Variants in ITGB2 observed in about 807,000 individuals in gnomAD.
ITGB2 encodes integrin beta-2.
In ITGB2, 56 loss-of-function variants were observed where a neutral mutation model predicts 86.8. The observed-to-expected ratio is 0.65, with a 90% CI of 0.52 to 0.81. The LOEUF (loss-of-function observed/expected upper bound fraction) is 0.81. Among genes scored for constraint, ITGB2 ranks in the 30% least tolerant of loss-of-function variants. The probability of loss-of-function intolerance (pLI) is 0.00; values close to 1 mark genes in which losing one functional copy is unlikely to be tolerated. For synonymous variants in ITGB2, 457 were observed against 450.4 expected, an observed-to-expected ratio of 1.01 and a Z score of -0.19; for missense variants, 948 against 1,061.2, an observed-to-expected ratio of 0.89 and a Z score of 1.48.
At chr21:44,926,488 AGCACC>A (rs1182282668) in intron 1 of ITGB2, among the ~76,000 whole-genome samples, 3 of 152,238 alleles carry the variant, frequency 2.0e-5, no homozygotes, top group African/African-American at 7.2e-5. Context: ...GAAATGTAGC[AGCACC>A]GGCAACCGGC....
At chr21:44,896,456 G>T (rs2146515216) in intron 8 of ITGB2, among the ~76,000 whole-genome samples, 1 of 152,344 alleles carries the variant, frequency 6.6e-6, no homozygotes, top group East Asian at 1.9e-4. Context: ...ATGGAAGATT[G>T]CGGCATCATT....
chr21:44,907,227 T>C (rs1382184375), intron 3 of ITGB2, 132 bp from the exon 4 acceptor site: 7 of 681,246 alleles, frequency 1.0e-5, no homozygotes, highest in Non-Finnish European at 1.2e-5. Flanking sequence ...CAGAAGTCCC[T>C]GTGGACAGAG....
At chr21:44,891,662 C>G (rs2083786819) in intron 11 of ITGB2, 147 bp downstream of exon 11, 1 of 843,340 alleles carries the variant, frequency 1.2e-6, no homozygotes, top group Non-Finnish European at 1.8e-6. Context: ...CCAAATCTCC[C>G]CACCTCCTGC....
intron 1 of ITGB2, among the ~76,000 whole-genome samples, chr21:44,916,586 G>C (rs1210803714): frequency 1.3e-5 from 2 of 152,170 alleles, no homozygotes; most frequent in Non-Finnish European, 2.9e-5. Flanking sequence ...GCTAAGGGGA[G>C]GCCGGGCATG....
rs761544778 is a variant in ITGB2 at position 44,890,066 on chromosome 21, G to A, written c.1569C>T (p.Asp523=). 103 of 1,613,352 alleles carry A rather than the reference G, an allele frequency of 6.4e-5. No homozygotes were observed. The highest frequency in any genetic ancestry group is 1.6e-4 in the Middle Eastern group (1 of 6,084). ...GCCCGTATATCAGCTTGCCGGGGAC[G>A]TCGCTGGTGTGGCACAGGCACTGCC... is the stretch of plus-strand genomic sequence containing the variant. ...VCGQCLCHTS[D]VPGKLIYGQY... is the part of the protein sequence containing the mutation. The change falls in exon 12 of 16, where the codon GAC becomes GAT. Residue 523 remains aspartate, a synonymous_variant. Coordinates refer to ENST00000652462, the MANE Select transcript of ITGB2 (RefSeq NM_000211.5).
At chr21:44,913,242 T>C (rs1047245190) in intron 1 of ITGB2, among the ~76,000 whole-genome samples, 5 of 151,950 alleles carry the variant, frequency 3.3e-5, no homozygotes, top group African/African-American at 1.2e-4. Flanking sequence ...TGGTAAGGAC[T>C]CACACCCCAG....
intron 4 of ITGB2, 37 bp from the exon 5 acceptor site, chr21:44,903,572 A>G (rs1458433515): frequency 6.2e-7 from 1 of 1,612,212 alleles, no homozygotes; most frequent in South Asian, 1.1e-5. Flanking sequence ...GCCACACCTC[A>G]CATCTCACAC....
chr21:44,927,916 A>G (rs2084396022), intron 1 of ITGB2: 1 of 152,316 alleles, frequency 6.6e-6, no homozygotes, highest in African/African-American at 2.4e-5. Flanking sequence ...TGCAATGCAG[A>G]AATGGAGATC....
At chr21:44,894,493 G>T in intron 9 of ITGB2, 1 of 234,326 alleles carries the variant, frequency 4.3e-6, no homozygotes, top group Non-Finnish European at 8.6e-6. Flanking sequence ...GGTGCAGCTC[G>T]ATGGGCCGTG....
Position 44,893,609 on chromosome 21 carries a change from A to T in ITGB2, c.1084-65T>A, listed in dbSNP as rs976578820. ...CTGTTGTCCTGGCCCTGCCTGGCCC[A>T]GCGGTTTAGACCCGTCTCCACTTCT... On this transcript the variant is annotated intron_variant, in intron 9 of 15. Coordinates refer to ENST00000652462, the MANE Select transcript of ITGB2 (RefSeq NM_000211.5). 4 of 1,603,206 alleles carry T rather than the reference A, an allele frequency of 2.5e-6. No homozygotes were observed. The Middle Eastern group carries it at 5.0e-4, about 202-fold the overall frequency.
chr21:44,917,194 C>T (rs567574309), intron 1 of ITGB2, among the ~76,000 whole-genome samples: 17 of 152,268 alleles, frequency 1.1e-4, no homozygotes, highest in African/African-American at 3.9e-4. Flanking sequence ...TAGCCGTCAA[C>T]GTGTAAGATG....
chr21:44,903,345 C>T lies in ITGB2; in HGVS notation c.499+20G>A, dbSNP rs754986099. 3.5e-5 allele frequency: 57 copies of T among 1,613,830 alleles called. No homozygotes were observed. Among genetic ancestry groups the T allele is most frequent in the Non-Finnish European group, 4.7e-5 (55 of 1,179,910 alleles). On this transcript the variant is annotated intron_variant, in intron 5 of 15. Coordinates refer to ENST00000652462, the MANE Select transcript of ITGB2 (RefSeq NM_000211.5). The stretch of plus-strand genomic sequence containing the variant: ...GTCTGGGAAAGGACTGGGTTTTGTC[C>T]TGCAGTGCCTGGGCCTCACCAATGC...
intron 9 of ITGB2, 172 bp downstream of exon 9, chr21:44,894,799 G>C: frequency 1.5e-6 from 1 of 669,400 alleles, no homozygotes; most frequent in Non-Finnish European, 2.7e-6. Flanking sequence ...TGGAAGTGCC[G>C]GGCCAGGGTG....
upstream of ITGB2, among the ~76,000 whole-genome samples, chr21:44,921,828 T>G (rs947385860): frequency 6.6e-6 from 1 of 152,170 alleles, no homozygotes; most frequent in African/African-American, 2.4e-5. Context: ...TTCAAGCAAT[T>G]CTCCTGCCTC....
At chr21:44,905,698 G>A (rs1386387648) in intron 4 of ITGB2, among the ~76,000 whole-genome samples, 1 of 152,152 alleles carries the variant, frequency 6.6e-6, no homozygotes, top group Non-Finnish European at 1.5e-5. Context: ...GGGCAGGCCT[G>A]ACCCTACCAC....
At chr21:44,888,938 G>GA in intron 13 of ITGB2, 43 bp from the exon 14 acceptor site, 1 of 1,581,612 alleles carries the variant, frequency 6.3e-7, no homozygotes, top group East Asian at 2.2e-5. Flanking sequence ...GGGTGTGCGG[G>GA]GGCTCCGGCA....
upstream of ITGB2, chr21:44,922,839 T>C (rs1274120813): frequency 6.6e-6 from 1 of 152,128 alleles, no homozygotes; most frequent in East Asian, 1.9e-4. Flanking sequence ...AGGTCTTGCG[T>C]TGGGTTTTAG....
At chr21:44,912,391 G>C (rs181607814) in intron 1 of ITGB2, among the ~76,000 whole-genome samples, 2 of 152,338 alleles carry the variant, frequency 1.3e-5, no homozygotes, top group East Asian at 3.9e-4. Context: ...CACCCACCAG[G>C]GGCCCATCTG....
intron 5 of ITGB2, 112 bp downstream of exon 5, chr21:44,903,253 G>T (rs926085264): frequency 1.5e-6 from 2 of 1,364,958 alleles, no homozygotes; most frequent in African/African-American, 2.9e-5. Flanking sequence ...TGCATCTGGG[G>T]CCCCCAGATC....
Sources: gnomAD v4.1 joint callset for allele counts (sites outside exome capture counted in the v4.1 genomes callset) on GRCh38, gnomAD v4.1.1 for gene constraint, MANE v1.5 for transcripts, NCBI Gene and HGNC (gene_info 2026-07-23, HGNC 2026-07-21) for gene names.